SYNE1: variants seen among roughly 807,000 people sequenced by gnomAD.
The protein encoded by SYNE1 is nesprin-1.
A neutral mutation model predicts 1,111.0 loss-of-function variants in SYNE1; 616 were observed. The ratio of observed to expected loss-of-function variants is 0.55; its 90% confidence interval spans 0.52 to 0.59. The LOEUF is 0.59. SYNE1 is among the 20% of genes least tolerant of loss of function. SYNE1 has a pLI of 0.00. For missense variants in SYNE1, 10,006 were observed against 10,417.0 expected, an observed-to-expected ratio of 0.96 and a Z score of 1.72; for synonymous variants, 3,855 against 3,825.8, an observed-to-expected ratio of 1.01 and a Z score of -0.28.
rs35413195 is a variant in SYNE1, at chr6:152,163,501, G to GAAA, written c.23790+659_23790+661dup. 2.8e-4 allele frequency among the ~76,000 whole-genome samples: 32 copies of GAAA among 114,662 alleles called. No individual in the cohort carries two copies. The South Asian group carries it at 3.4e-3, about 12-fold the overall frequency. 75.2% of individuals were successfully genotyped at this position (114,662 alleles called of 152,430 possible). Reference sequence around the variant, plus strand: ...GCAACAGAGTGAGACTCTGTCTCAGGAAAAAAAAAAAAAAAAAGAAAGAAT... The same window carrying GAAA: ...GCAACAGAGTGAGACTCTGTCTCAGGAAAAAAAAAAAAAAAAAAAAGAAAGAAT... On this transcript the variant is annotated intron_variant, in intron 131 of 145. Coordinates refer to ENST00000367255, the MANE Select transcript of SYNE1 (RefSeq NM_182961.4).
At position 152,416,420 on chromosome 6, in the gene SYNE1, A is replaced by G; in HGVS notation, c.6017T>C (p.Leu2006Ser). The G allele has an allele frequency of 6.2e-7, 1 of 1,614,138 alleles. No individual in the cohort carries two copies. The change falls in exon 41 of 146, where the codon TTG (leucine) becomes TCG (serine). Residue 2006 changes from leucine to serine, a missense_variant. By Grantham distance (145) the Leu-to-Ser change is moderately radical. Transcript: ENST00000367255. ...AAGAGCTTGGCGGGTAGGTTCTTTCAATCGCTCTTTGTCAGTCCTTTCTTC... is the reference window on the plus strand; with the variant it reads ...AAGAGCTTGGCGGGTAGGTTCTTTCGATCGCTCTTTGTCAGTCCTTTCTTC... ...DIEERTDKER[L>S]KEPTRQALQQ...
intron 4 of SYNE1, among the ~76,000 whole-genome samples, chr6:152,528,604 C>T (rs533835118): frequency 1.3e-5 from 2 of 152,088 alleles, no homozygotes; most frequent in African/African-American, 2.4e-5. Flanking sequence ...GGTCATAGTG[C>T]TGAAGGTCAA....
chr6:152,532,289 C>T (rs2099206852), intron 4 of SYNE1, among the ~76,000 whole-genome samples: 2 of 152,254 alleles, frequency 1.3e-5, no homozygotes, highest in South Asian at 4.1e-4. Flanking sequence ...CTGTCTCACA[C>T]CAGGACCATC....
At chr6:152,490,921 G>C (rs570166318) in intron 11 of SYNE1, among the ~76,000 whole-genome samples, 1 of 152,080 alleles carries the variant, frequency 6.6e-6, no homozygotes, top group African/African-American at 2.4e-5. Context: ...AGCTTCTCTC[G>C]CTACCTTTCA....
chr6:152,136,202 G>A (rs1016885346), intron 141 of SYNE1, among the ~76,000 whole-genome samples: 14 of 152,148 alleles, frequency 9.2e-5, no homozygotes, highest in South Asian at 2.1e-4. Flanking sequence ...TTAGCACCAC[G>A]TCTGCCATAT....
intron 127 of SYNE1, among the ~76,000 whole-genome samples, chr6:152,194,939 G>C (rs1432969215): frequency 6.9e-6 from 1 of 145,654 alleles, no homozygotes; most frequent in Non-Finnish European, 1.5e-5. Flanking sequence ...TTATTTTTTT[G>C]AGACAGAGTC....
At chr6:152,151,771 A>G (rs2152917248) in intron 134 of SYNE1, 81 bp from the exon 135 acceptor site, 1 of 1,554,774 alleles carries the variant, frequency 6.4e-7, no homozygotes, top group African/African-American at 1.4e-5. Flanking sequence ...AGCGAATTCC[A>G]GTGTTCTGTA....
intron 6 of SYNE1, chr6:152,511,673 A>G: frequency 7.0e-7 from 1 of 1,430,626 alleles, no homozygotes; most frequent in Admixed American, 1.7e-5. Context: ...CAAAGGGAAT[A>G]AAGAGGTAGG....
At chr6:152,444,296 TC>T in intron 30 of SYNE1, 114 bp downstream of exon 30, 1 of 1,196,616 alleles carries the variant, frequency 8.4e-7, no homozygotes, top group Non-Finnish European at 1.2e-6. Context: ...AACTCTTCCT[TC>T]CCATGCCCCC....
At chr6:152,221,843 C>G (rs747146951) in intron 117 of SYNE1, among the ~76,000 whole-genome samples, 19 of 152,168 alleles carry the variant, frequency 1.2e-4, no homozygotes, top group Admixed American at 3.9e-4. Flanking sequence ...TGTCCATTGT[C>G]TGGTAGGAAG....
Position 152,269,243 on chromosome 6 carries a change from G to A in SYNE1, c.18617C>T (p.Ala6206Val), listed in dbSNP as rs772241548. Residue 6206 changes from alanine (A) to valine (V), a missense_variant, in exon 99 of 146, where the codon GCC becomes GTC. Coordinates refer to ENST00000367255, the MANE Select transcript of SYNE1 (RefSeq NM_182961.4). ...EKEESDVDLT[A>V]TQSPGVQEWL... The stretch of plus-strand genomic sequence containing the variant: ...TTCCTGGACGCCGGGGCTCTGCGTG[G>A]CTGTTAGGTCAACATCGCTCTCCTC... 1 of 1,614,062 alleles carries A rather than the reference G, an allele frequency of 6.2e-7. No individual in the cohort carries two copies. Among genetic ancestry groups the A allele is most frequent in the Non-Finnish European group, 8.5e-7 (1 of 1,180,044 alleles).
At chr6:152,372,555 ATCT>A (rs2097207905) in intron 59 of SYNE1, among the ~76,000 whole-genome samples, 1 of 152,240 alleles carries the variant, frequency 6.6e-6, no homozygotes, top group South Asian at 2.1e-4. Flanking sequence ...TAATAGATTC[ATCT>A]TCTATTGTGT....
chr6:152,251,325 A>T (rs974619842), intron 104 of SYNE1, among the ~76,000 whole-genome samples: 1 of 152,190 alleles, frequency 6.6e-6, no homozygotes, highest in Non-Finnish European at 1.5e-5. Context: ...CACAGAGTTC[A>T]TATTTCTGGA....
At chr6:152,206,837 C>T (rs1344919064) in intron 125 of SYNE1, among the ~76,000 whole-genome samples, 1 of 152,058 alleles carries the variant, frequency 6.6e-6, no homozygotes, top group Admixed American at 6.6e-5. Flanking sequence ...ATTCAGGAAA[C>T]TAAGTATGGT....
intron 7 of SYNE1, 109 bp from the exon 8 acceptor site, chr6:152,510,480 T>C: frequency 1.5e-6 from 2 of 1,308,536 alleles, no homozygotes; most frequent in Non-Finnish European, 2.1e-6. Context: ...ACTCTTGACA[T>C]TCCTGACAAA....
At chr6:152,438,924 G>A (rs1236532274) in intron 32 of SYNE1, among the ~76,000 whole-genome samples, 2 of 152,166 alleles carry the variant, frequency 1.3e-5, no homozygotes, top group African/African-American at 4.8e-5. Context: ...AAAGATGTGG[G>A]CTCTGGAAAA....
chr6:152,454,249 C>G (rs1364172576), intron 24 of SYNE1, among the ~76,000 whole-genome samples: 1 of 152,270 alleles, frequency 6.6e-6, no homozygotes, highest in East Asian at 1.9e-4. Flanking sequence ...CACATAGGCA[C>G]ACATGCTAGC....
intron 6 of SYNE1, among the ~76,000 whole-genome samples, chr6:152,513,244 T>C (rs901242631): frequency 1.3e-5 from 2 of 152,212 alleles, no homozygotes; most frequent in Non-Finnish European, 2.9e-5. Flanking sequence ...CCCTCCAAAA[T>C]TCATATTTTG....
intron 96 of SYNE1, among the ~76,000 whole-genome samples, chr6:152,283,161 A>G (rs2094131414): frequency 6.6e-6 from 1 of 152,194 alleles, no homozygotes; most frequent in Non-Finnish European, 1.5e-5. Context: ...AAGATAGCTG[A>G]TTTTTAACAC....
Sources: gnomAD v4.1 joint callset for allele counts (sites outside exome capture counted in the v4.1 genomes callset) on GRCh38, gnomAD v4.1.1 for gene constraint, MANE v1.5 for transcripts, NCBI Gene and HGNC (gene_info 2026-07-23, HGNC 2026-07-21) for gene names.